Variants in MYO3A observed in about 807,000 individuals in gnomAD.
MYO3A encodes the protein myosin IIIA.
A neutral mutation model predicts 192.7 loss-of-function variants in MYO3A; 180 were observed. The observed-to-expected ratio is 0.93, with a 90% CI of 0.83 to 1.06. MYO3A has a LOEUF of 1.06. Ranked by LOEUF, MYO3A falls within the 50% of genes least tolerant of loss-of-function variation. MYO3A has a pLI of 0.00. For synonymous variants in MYO3A, 628 were observed against 645.3 expected (o/e 0.97, Z 0.41); for missense variants, 1,896 against 1,905.0 (o/e 1.00, Z 0.09).
At chr10:25,941,991 C>G (rs560648824) in intron 2 of MYO3A, among the ~76,000 whole-genome samples, 38 of 149,844 alleles carry the variant, frequency 2.5e-4, no homozygotes, top group African/African-American at 9.3e-4. Context: ...TCTTTTCTTT[C>G]TTACTTTCTT....
At chr10:26,029,238 A>T (rs1176731473) in intron 10 of MYO3A, among the ~76,000 whole-genome samples, 1 of 152,148 alleles carries the variant, frequency 6.6e-6, no homozygotes, top group Non-Finnish European at 1.5e-5. Flanking sequence ...GAGACACAAG[A>T]TGTAGTCTTG....
chr10:26,070,144 G>A lies in MYO3A; in HGVS notation c.1204G>A (p.Ala402Thr), dbSNP rs1835113583. Residue 402 changes from alanine to threonine, a missense_variant, in exon 13 of 35, where the codon GCC (alanine) becomes ACC (threonine). By Grantham distance (58) the Ala-to-Thr change is moderately conservative (BLOSUM62 0). Coordinates refer to ENST00000642920, the MANE Select transcript of MYO3A (RefSeq NM_017433.5). ...ACTATATATTGGATCAAAGAGAACT[G>A]CCAGTCCTCCTCACATTTTTGCAAT... ...SKLYIGSKRTASPPHIFAMAD... is the reference protein window; with the variant it reads ...SKLYIGSKRTTSPPHIFAMAD... The A allele has an allele frequency of 2.5e-6, 4 of 1,612,002 alleles. No homozygotes were observed. The highest frequency in any genetic ancestry group is 4.5e-5 in the East Asian group (2 of 44,786).
At chr10:26,077,072 T>C (rs544027344) in intron 14 of MYO3A, among the ~76,000 whole-genome samples, 1 of 152,120 alleles carries the variant, frequency 6.6e-6, no homozygotes, top group South Asian at 2.1e-4. Context: ...ATTGAAGTTG[T>C]AGATTGCTTT....
At chr10:26,014,901 A>G (rs972053816) in intron 6 of MYO3A, among the ~76,000 whole-genome samples, 8 of 152,166 alleles carry the variant, frequency 5.3e-5, no homozygotes, top group African/African-American at 1.9e-4. Context: ...TTTGAGCCAC[A>G]ATAGAAAACA....
At chr10:25,991,438 A>C (rs1437264867) in intron 4 of MYO3A, among the ~76,000 whole-genome samples, 1 of 152,222 alleles carries the variant, frequency 6.6e-6, no homozygotes, top group South Asian at 2.1e-4. Context: ...AGTAGATTGC[A>C]AAAATTTTCT....
chr10:26,174,785 C>T (rs910201074), intron 30 of MYO3A, among the ~76,000 whole-genome samples: 2 of 151,860 alleles, frequency 1.3e-5, no homozygotes, highest in East Asian at 1.9e-4. Flanking sequence ...CTCATGTAGT[C>T]GTGATACTAG....
intron 7 of MYO3A, 70 bp downstream of exon 7, chr10:26,016,966 C>CT (rs1339992884): frequency 7.2e-7 from 1 of 1,393,482 alleles, no homozygotes; most frequent in Admixed American, 1.7e-5. Flanking sequence ...TATGTGTACT[C>CT]TATCTCTGTA....
chr10:26,028,092 C>T (rs1842638525), intron 10 of MYO3A, among the ~76,000 whole-genome samples: 1 of 152,076 alleles, frequency 6.6e-6, no homozygotes, highest in Non-Finnish European at 1.5e-5. Context: ...ACATTTAATT[C>T]CCATTTGTTT....
At chr10:25,957,327 C>G (rs1057194699) in intron 4 of MYO3A, among the ~76,000 whole-genome samples, 4 of 152,142 alleles carry the variant, frequency 2.6e-5, no homozygotes, top group Non-Finnish European at 4.4e-5. Flanking sequence ...TAAGCTCTCT[C>G]CTTGCCTGCT....
At chr10:26,123,010 G>A (rs1838972880) in intron 18 of MYO3A, among the ~76,000 whole-genome samples, 1 of 152,138 alleles carries the variant, frequency 6.6e-6, no homozygotes, top group Non-Finnish European at 1.5e-5. Flanking sequence ...CGGTATTGTA[G>A]GGAACTAGCT....
rs145227760 is a variant in MYO3A at position 26,129,280 on chromosome 10, G to A, written c.2262+742G>A. ...TTGGAATTACATTTTGAAAACAGTG[G>A]TCACAAAATAAAACATTTCGATTTT... On this transcript the variant is annotated intron_variant, in intron 20 of 34. Coordinates refer to ENST00000642920, the MANE Select transcript of MYO3A (RefSeq NM_017433.5). Among the ~76,000 whole-genome samples, 1,035 of 152,112 alleles carry A rather than the reference G, an allele frequency of 6.8e-3. 13 individuals carry two copies. The highest frequency in any genetic ancestry group is 0.023 in the African/African-American group (970 of 41,490).
chr10:26,006,581 C>T (rs982246090), intron 6 of MYO3A, among the ~76,000 whole-genome samples: 1 of 152,066 alleles, frequency 6.6e-6, no homozygotes, highest in Non-Finnish European at 1.5e-5. Flanking sequence ...TACAAACTAC[C>T]ATCAGAGAAT....
Position 26,070,637 on chromosome 10 carries a change from T to G in MYO3A, c.1359+236T>G, listed in dbSNP as rs12770421. ...TATTAGGCAAGGCTTATAAAGGTGA[T>G]TTTCATTGTTTTTAGTCCCAGTGCA... On this transcript the variant is annotated intron_variant, in intron 14 of 34. Coordinates refer to ENST00000642920, the MANE Select transcript of MYO3A (RefSeq NM_017433.5). 0.31 allele frequency among the ~76,000 whole-genome samples: 47,278 copies of G among 151,840 alleles called. 7,615 individuals are homozygous for G. The highest frequency in any genetic ancestry group is 0.44 in the Middle Eastern group (128 of 292).
chr10:25,975,501 CTG>C (rs1838914351), intron 4 of MYO3A, among the ~76,000 whole-genome samples: 1 of 151,688 alleles, frequency 6.6e-6, no homozygotes, highest in African/African-American at 2.4e-5. Context: ...ATGGCTGGGA[CTG>C]TTTTTAAGGT....
intron 17 of MYO3A, among the ~76,000 whole-genome samples, chr10:26,114,090 C>T (rs935899165): frequency 6.6e-6 from 1 of 152,136 alleles, no homozygotes; most frequent in Admixed American, 6.5e-5. Flanking sequence ...GGGTTCCCTC[C>T]TCCCCAACCT....
chr10:26,018,037 C>T (rs1842077650), intron 7 of MYO3A, among the ~76,000 whole-genome samples: 3 of 150,200 alleles, frequency 2.0e-5, no homozygotes, highest in Non-Finnish European at 1.5e-5. Context: ...AATATCCTAG[C>T]TTTATGGGTT....
At chr10:25,941,715 A>C (rs148344745) in intron 2 of MYO3A, among the ~76,000 whole-genome samples, 1 of 152,158 alleles carries the variant, frequency 6.6e-6, no homozygotes, top group Non-Finnish European at 1.5e-5. Flanking sequence ...CATCTCCAGA[A>C]ATTTTTTATT....
chr10:26,126,073 C>G (rs527503611), intron 19 of MYO3A, among the ~76,000 whole-genome samples: 111 of 152,150 alleles, frequency 7.3e-4, no homozygotes, highest in African/African-American at 2.6e-3. Flanking sequence ...CACTGTAACT[C>G]CAATGAAATT....
At chr10:26,007,757 T>C (rs1268451228) in intron 6 of MYO3A, among the ~76,000 whole-genome samples, 1 of 150,618 alleles carries the variant, frequency 6.6e-6, no homozygotes, top group Non-Finnish European at 1.5e-5. Context: ...GGAAGAACAT[T>C]CCATGCTCAT....
Sources: allele counts gnomAD v4.1 joint callset (sites outside exome capture counted in the v4.1 genomes callset), GRCh38; gene constraint gnomAD v4.1.1; transcripts MANE v1.5; gene names NCBI Gene and HGNC (gene_info 2026-07-23, HGNC 2026-07-21).